RGPD3: variants seen among roughly 807,000 people sequenced by gnomAD.
The protein encoded by RGPD3 is ranBP2-like and GRIP domain-containing protein 3.
In RGPD3, 62 loss-of-function variants were observed where a neutral mutation model predicts 154.5. That is an observed-to-expected ratio of 0.40 (90% CI 0.33 to 0.50). The LOEUF is 0.50. Among genes scored for constraint, RGPD3 ranks in the 20% least tolerant of loss-of-function variants. RGPD3 has a pLI of 0.59. For synonymous variants in RGPD3, 308 were observed against 607.0 expected, an observed-to-expected ratio of 0.51 and a Z score of 7.24; for missense variants, 919 against 1,716.8, an observed-to-expected ratio of 0.54 and a Z score of 8.21.
intron 21 of RGPD3, among the ~76,000 whole-genome samples, chr2:106,415,353 T>A (rs1464102952): frequency 2.0e-5 from 3 of 152,034 alleles, no homozygotes; most frequent in African/African-American, 7.3e-5. Context: ...AAAGTAGGAA[T>A]TAAGAAATAA....
rs961619005 is a variant in RGPD3, at chr2:106,409,216, A to G, written c.5266+3868T>C. 4.8e-3 allele frequency among the ~76,000 whole-genome samples: 736 copies of G among 152,102 alleles called. 10 individuals carry two copies. Among genetic ancestry groups the G allele is most frequent in the African/African-American group, 0.017 (716 of 41,504 alleles). On this transcript the variant is annotated intron_variant, in intron 22 of 22. Transcript: ENST00000409886. ...AGAGTGGCTCTCAGACCTTTCTTCT[A>G]GCATCCCTCATGTATGCAGTGTTGG...
intron 8 of RGPD3, among the ~76,000 whole-genome samples, chr2:106,439,959 G>A (rs1336075081): frequency 1.0e-4 from 11 of 106,462 alleles, no homozygotes; most frequent in African/African-American, 2.3e-4. Context: ...CATAGTCCTC[G>A]GATAAAGTAC....
At chr2:106,410,753 T>G (rs1676646060) in intron 22 of RGPD3, among the ~76,000 whole-genome samples, 1 of 152,042 alleles carries the variant, frequency 6.6e-6, no homozygotes, top group South Asian at 2.1e-4. Flanking sequence ...TTTATAACTA[T>G]AAAATTAGGT....
At chr2:106,467,640 C>T (rs1172910645) in intron 1 of RGPD3, among the ~76,000 whole-genome samples, 19 of 144,770 alleles carry the variant, frequency 1.3e-4, no homozygotes, top group African/African-American at 4.7e-4. Context: ...GCCGCCTCCA[C>T]AGAGCGCGCC....
chr2:106,404,431 A>T lies in RGPD3; in HGVS notation c.*788T>A, dbSNP rs1197522621. ...ACTTTAAAGAAAAAAAGAAGAGTTT[A>T]TTTTAAAGCAAATAACTAAACTGTA... On this transcript the variant is annotated 3_prime_UTR_variant, in exon 23 of 23. Transcript: ENST00000409886. 1.4e-5 allele frequency among the ~76,000 whole-genome samples: 2 copies of T among 146,196 alleles called. No individual in the cohort carries two copies. Among genetic ancestry groups the T allele is most frequent in the African/African-American group, 5.2e-5 (2 of 38,496 alleles).
chr2:106,412,789 C>T (rs776553574), intron 22 of RGPD3: 36 of 577,070 alleles, frequency 6.2e-5, no homozygotes, highest in South Asian at 2.9e-4. Flanking sequence ...AACAAAACCA[C>T]GTTCAGCTGA....
rs866535391 is a variant in RGPD3, at chr2:106,442,368, T to C, written c.979-988A>G. 3.2e-3 allele frequency among the ~76,000 whole-genome samples: 324 copies of C among 101,364 alleles called. 3 individuals carry two copies. Among genetic ancestry groups the C allele is most frequent in the Middle Eastern group, 0.028 (5 of 180 alleles). 66.5% of individuals were successfully genotyped at this position (101,364 alleles called of 152,430 possible). A position where few individuals can be genotyped will look rare whatever the true frequency, so the allele number is the denominator to read the frequency against. On this transcript the variant is annotated intron_variant, in intron 7 of 22. Coordinates refer to ENST00000409886, the MANE Select transcript of RGPD3 (RefSeq NM_001144013.2). The stretch of plus-strand genomic sequence containing the variant: ...AGATATGACACCCTACTTTAAAAAG[T>C]ACAGGTGAAATGACACTTGGAAATG...
In RGPD3 at chr2:106,465,778, G is replaced by A. The variant is rs533441147; in HGVS notation, c.72+2439C>T. On this transcript the variant is annotated intron_variant, in intron 1 of 22. Coordinates refer to ENST00000409886, the MANE Select transcript of RGPD3 (RefSeq NM_001144013.2). ...CTACCAAAGTGTTCCGGGCAGGGAG[G>A]GGGGCGAGGGAGGTGAGTATGAGGA... Among the ~76,000 whole-genome samples, 17 of 152,004 alleles carry A rather than the reference G, an allele frequency of 1.1e-4. No individual in the cohort carries two copies. In the South Asian group the frequency reaches 1.3e-3, roughly 11 times the overall value.
rs1346749545 is a variant in RGPD3 at position 106,403,557 on chromosome 2, A to C, written c.*1662T>G. Among the ~76,000 whole-genome samples, 4 of 152,272 alleles carry C rather than the reference A, an allele frequency of 2.6e-5. No individual in the cohort carries two copies. The highest frequency in any genetic ancestry group is 5.9e-5 in the Non-Finnish European group (4 of 68,052). ...ATTTGTAAGTGGAGACTATATTTCA[A>C]AACAAGTTTATACAGACTTCAAAAG... On this transcript the variant is annotated 3_prime_UTR_variant, in exon 23 of 23. Coordinates refer to ENST00000409886, the MANE Select transcript of RGPD3 (RefSeq NM_001144013.2).
rs573902217 is a variant in RGPD3, at chr2:106,467,782, A to G, written c.72+435T>C. ...CGGGAGCCATGACGCCTGAGCCATC[A>G]AGGCAGCCGCCGGGCCAGGTCGAGG... On this transcript the variant is annotated intron_variant, in intron 1 of 22. Transcript: ENST00000409886. Among the ~76,000 whole-genome samples the G allele has an allele frequency of 6.5e-3, 613 of 93,732 alleles. 6 individuals carry two copies. The highest frequency in any genetic ancestry group is 0.013 in the African/African-American group (298 of 23,040). The allele number at this position is 93,732 out of a possible 152,430, so 61.5% of individuals were successfully genotyped here. A position where few individuals can be genotyped will look rare whatever the true frequency, so the allele number is the denominator to read the frequency against.
In RGPD3 at chr2:106,468,221, C is replaced by T. The variant is rs114641853; in HGVS notation, c.68G>A (p.Arg23Gln). The T allele has an allele frequency of 1.7e-4, 277 of 1,605,334 alleles. No individual in the cohort carries two copies. In the African/African-American group the frequency reaches 3.1e-3, roughly 18 times the overall value. The change falls in exon 1 of 23, where the codon CGA becomes CAA. Residue 23 changes from arginine (R) to glutamine (Q), a missense_variant. Transcript: ENST00000409886. The part of the protein sequence containing the change: ...ASVQGSAPSP[R>Q]KKSTRGFYFA... ...GTCTCTTCCAGACCCACTCACCTTT[C>T]GAGGCGACGGGGCGGAGCCCTGCAC...
intron 1 of RGPD3, among the ~76,000 whole-genome samples, chr2:106,463,243 AAG>A (rs1233120926): frequency 2.0e-5 from 3 of 147,500 alleles, no homozygotes; most frequent in Admixed American, 6.9e-5. Context: ...AAATTAAGTA[AAG>A]ACATTTTAAA....
rs757306709 is a variant in RGPD3, at chr2:106,424,825, CT to C, written c.3141del (p.Val1048Ter). On this transcript the variant is annotated frameshift_variant, in exon 20 of 23. Coordinates refer to ENST00000409886, the MANE Select transcript of RGPD3 (RefSeq NM_001144013.2). LOFTEE classifies it high-confidence loss of function. Reference protein sequence around the residue: ...HFEPVVQMPEKVELVTGEEGE... With the variant: ...HFEPVVQMPEXVELVTGEEGE... Reference sequence around the variant, plus strand: ...CCTTCTTCTCCTGTTACAAGTTCTACTTTTTCAGGCATTTGAACTACTGGTT... The same window carrying C: ...CCTTCTTCTCCTGTTACAAGTTCTACTTTTCAGGCATTTGAACTACTGGTT... 3 of 1,611,574 alleles carry C rather than the reference CT, an allele frequency of 1.9e-6. No homozygotes were observed. In the African/African-American group the frequency reaches 4.0e-5, roughly 22 times the overall value.
At position 106,468,292 on chromosome 2, in the gene RGPD3, G is replaced by C; in HGVS notation, c.-4C>G. On this transcript the variant is annotated 5_prime_UTR_variant, in exon 1 of 23. Coordinates refer to ENST00000409886, the MANE Select transcript of RGPD3 (RefSeq NM_001144013.2). ...CGTAGGCCTTGCTGCAACTCATCGCGCCACCAACCTGGCTCCCGAGATGCG... is the reference window on the plus strand; with the variant it reads ...CGTAGGCCTTGCTGCAACTCATCGCCCCACCAACCTGGCTCCCGAGATGCG... 2 of 1,603,760 alleles carry C rather than the reference G, an allele frequency of 1.2e-6. No individual in the cohort carries two copies. The highest frequency in any genetic ancestry group is 1.7e-6 in the Non-Finnish European group (2 of 1,176,592).
rs745406735 is a variant in RGPD3, at chr2:106,424,518, T to A, written c.3449A>T (p.Lys1150Ile). Reference sequence around the variant, plus strand: ...TTCAGCCAGCTCTGGTGTTTTAAATTTTGCTGCCAATCGCTCTAGTTTGGC... The same window carrying A: ...TTCAGCCAGCTCTGGTGTTTTAAATATTGCTGCCAATCGCTCTAGTTTGGC... The part of the protein sequence containing the change: ...GDAKLERLAA[K>I]FKTPELAEEF... The change falls in exon 20 of 23, where the codon AAA becomes ATA. Residue 1150 changes from lysine (K) to isoleucine (I), a missense_variant. Physicochemically the swap from Lys to Ile is moderately radical, Grantham distance 102 (BLOSUM62 -3). Coordinates refer to ENST00000409886, the MANE Select transcript of RGPD3 (RefSeq NM_001144013.2). 3 of 1,606,480 alleles carry A rather than the reference T, an allele frequency of 1.9e-6. No homozygotes were observed. In the Admixed American group the frequency reaches 5.0e-5, roughly 27 times the overall value.
chr2:106,460,497 A>C, intron 1 of RGPD3, among the ~76,000 whole-genome samples: 1 of 84,848 alleles, frequency 1.2e-5, no homozygotes, highest in Non-Finnish European at 2.3e-5. Flanking sequence ...TCTTCAAGTA[A>C]TAAACAAGGT....
intron 12 of RGPD3, 29 bp downstream of exon 12, chr2:106,436,094 T>A: frequency 1.3e-6 from 2 of 1,572,290 alleles, no homozygotes; most frequent in East Asian, 2.2e-5. Context: ...GGTAATGTTC[T>A]TTTAAAATGC....
At chr2:106,410,662 T>C (rs1167951758) in intron 22 of RGPD3, among the ~76,000 whole-genome samples, 1 of 152,178 alleles carries the variant, frequency 6.6e-6, no homozygotes, top group East Asian at 1.9e-4. Context: ...ACTATAAAAT[T>C]AGTTATAATT....
intron 1 of RGPD3, among the ~76,000 whole-genome samples, chr2:106,466,235 C>CA (rs1180787091): frequency 6.6e-6 from 1 of 152,142 alleles, no homozygotes; most frequent in Non-Finnish European, 1.5e-5. Flanking sequence ...GCGGTCCCCC[C>CA]AGGACTCTTC....
Sources: allele counts gnomAD v4.1 joint callset (sites outside exome capture counted in the v4.1 genomes callset), GRCh38; gene constraint gnomAD v4.1.1; transcripts MANE v1.5; gene names NCBI Gene and HGNC (gene_info 2026-07-23, HGNC 2026-07-21).